Variants in SLC6A5 observed in about 807,000 individuals in gnomAD.
SLC6A5 encodes solute carrier family 6 member 5.
In SLC6A5, 58 loss-of-function variants were observed where a neutral mutation model predicts 90.5. The observed-to-expected ratio is 0.64, with a 90% CI of 0.52 to 0.80. SLC6A5 has a LOEUF of 0.80. SLC6A5 is among the 30% of genes least tolerant of loss of function. The pLI, the probability that SLC6A5 is intolerant of heterozygous loss-of-function variation, is 0.00. For synonymous variants in SLC6A5, 427 were observed against 401.4 expected (o/e 1.06, Z -0.76); for missense variants, 1,015 against 1,017.6 (o/e 1.00, Z 0.03).
chr11:20,650,762 G>A (rs947211006), intron 14 of SLC6A5, among the ~76,000 whole-genome samples: 1 of 145,056 alleles, frequency 6.9e-6, no homozygotes, highest in African/African-American at 2.5e-5. Context: ...CGCCTCCCGG[G>A]TTCACGCCAT....
At chr11:20,619,637 T>TC in intron 7 of SLC6A5, among the ~76,000 whole-genome samples, 1 of 151,796 alleles carries the variant, frequency 6.6e-6, no homozygotes, top group South Asian at 2.1e-4. Flanking sequence ...TGCTTTTTTT[T>TC]TGGCCAATAA....
chr11:20,611,742 G>T (rs1271544169), intron 5 of SLC6A5, among the ~76,000 whole-genome samples: 1 of 145,462 alleles, frequency 6.9e-6, no homozygotes, highest in African/African-American at 2.6e-5. Flanking sequence ...CTTACCCAGT[G>T]GTTTATTTGT....
At chr11:20,646,979 C>A (rs374593875) in intron 14 of SLC6A5, 45 bp downstream of exon 14, 9 of 1,223,108 alleles carry the variant, frequency 7.4e-6, no homozygotes, top group Admixed American at 1.7e-5. Context: ...ACCTTGCATA[C>A]GTATGTGGTG....
intron 10 of SLC6A5, 48 bp from the exon 11 acceptor site, chr11:20,636,259 C>A: frequency 8.6e-7 from 1 of 1,163,914 alleles, no homozygotes; most frequent in Non-Finnish European, 1.3e-6. Flanking sequence ...CTGGGAAGAG[C>A]AGCCTTGAGT....
At position 20,604,288 on chromosome 11, in the gene SLC6A5, G is replaced by C; in HGVS notation, c.543G>C (p.Glu181Asp). ...ACAATGTGCTTTTCCGCCCCCAGGAGGACGAGCAAGGGGATGAGAATAAGG... is the reference window on the plus strand; with the variant it reads ...ACAATGTGCTTTTCCGCCCCCAGGACGACGAGCAAGGGGATGAGAATAAGG... ...PGSVATVATQ[E>D]DEQGDENKAR... Residue 181 changes from glutamate (E) to aspartate (D), a missense_variant and splice_region_variant, in exon 3 of 16, where the codon GAG (glutamate) becomes GAC (aspartate). This residue lies in a region of SLC6A5 where 567 missense variants were observed against 507.3 expected (regional missense o/e 1.12). Transcript: ENST00000525748. The C allele has an allele frequency of 1.2e-6, 2 of 1,609,406 alleles. No individual in the cohort carries two copies. Among genetic ancestry groups the C allele is most frequent in the Non-Finnish European group, 1.7e-6 (2 of 1,176,544 alleles).
intron 6 of SLC6A5, among the ~76,000 whole-genome samples, chr11:20,616,628 T>A (rs1035704068): frequency 6.6e-6 from 1 of 152,228 alleles, no homozygotes; most frequent in African/African-American, 2.4e-5. Flanking sequence ...TTGGCAAATA[T>A]GGTCCTCAGG....
intron 8 of SLC6A5, 54 bp downstream of exon 8, chr11:20,626,896 G>C (rs1361236834): frequency 1.2e-5 from 19 of 1,530,514 alleles, no homozygotes; most frequent in Middle Eastern, 3.7e-4. Flanking sequence ...CCTCTGGGAG[G>C]CTTGGGCAAA....
In SLC6A5 at chr11:20,654,606, G is replaced by A. The variant is rs1306058372; in HGVS notation, c.2239-107G>A. 24 of 1,099,172 alleles carry A rather than the reference G, an allele frequency of 2.2e-5. No homozygotes were observed. In the East Asian group the frequency reaches 5.4e-4, roughly 25 times the overall value. 68.1% of individuals were successfully genotyped at this position (1,099,172 alleles called of 1,614,324 possible). A position where few individuals can be genotyped will look rare whatever the true frequency, so the allele number is the denominator to read the frequency against. On this transcript the variant is annotated intron_variant, in intron 15 of 15. Transcript: ENST00000525748. ...GTAGAGGGCCTCTTGGCTCAAGCAA[G>A]GACTCTGGTCAAAGTGGTCATAAGC...
In SLC6A5 at chr11:20,601,249, G is replaced by C. The variant is rs1233650550; in HGVS notation, c.124G>C (p.Ala42Pro). ...PRTSPEQELP[A>P]AAAPPPPRVP... ...GACGAGCCCGGAGCAGGAGCTTCCC[G>C]CGGCTGCCGCCCCGCCGCCGCCACG... Residue 42 changes from alanine (A) to proline (P), a missense_variant, in exon 2 of 16, where the codon GCG (alanine) becomes CCG (proline). Physicochemically the swap from Ala to Pro is conservative, Grantham distance 27 (BLOSUM62 -1). Around this residue, in one of 3 missense-constraint regions of SLC6A5, gnomAD observed 567 missense variants for 507.3 expected, o/e 1.12. Transcript: ENST00000525748. 3.2e-6 allele frequency: 5 copies of C among 1,583,030 alleles called. No individual in the cohort carries two copies. In the South Asian group the frequency reaches 3.4e-5, roughly 11 times the overall value.
In SLC6A5 at chr11:20,630,947, T is replaced by C. The variant is rs1404358983; in HGVS notation, c.1624+132T>C. 1.3e-5 allele frequency: 13 copies of C among 1,008,598 alleles called. No individual in the cohort carries two copies. The African/African-American group carries it at 1.9e-4, about 15-fold the overall frequency. The allele number at this position is 1,008,598 out of a possible 1,614,324, so 62.5% of individuals were successfully genotyped here. ...GGGTGGAGGAGCCCAGGTCCTTCTT[T>C]ACAGAGGGACCAAGGCAGGCTCAAG... On this transcript the variant is annotated intron_variant, in intron 10 of 15. Coordinates refer to ENST00000525748, the MANE Select transcript of SLC6A5 (RefSeq NM_004211.5).
At chr11:20,613,209 A>G (rs1565275258) in intron 5 of SLC6A5, among the ~76,000 whole-genome samples, 2 of 152,202 alleles carry the variant, frequency 1.3e-5, no homozygotes, top group East Asian at 1.9e-4. Context: ...TAACATAGAG[A>G]TAATAACAGT....
chr11:20,601,268 C>T lies in SLC6A5; in HGVS notation c.143C>T (p.Pro48Leu), dbSNP rs1852468085. The change falls in exon 2 of 16, where the codon CCG becomes CTG. Residue 48 changes from proline to leucine, a missense_variant. By Grantham distance (98) the Pro-to-Leu change is moderately conservative. Around this residue, in one of 3 missense-constraint regions of SLC6A5, gnomAD observed 567 missense variants for 507.3 expected, o/e 1.12. Coordinates refer to ENST00000525748, the MANE Select transcript of SLC6A5 (RefSeq NM_004211.5). ...CTTCCCGCGGCTGCCGCCCCGCCGC[C>T]GCCACGTGTGCCCAGGTCCGCTTCC... ...QELPAAAAPP[P>L]PRVPRSASTG... 1 of 1,585,932 alleles carries T rather than the reference C, an allele frequency of 6.3e-7. No individual in the cohort carries two copies. The highest frequency in any genetic ancestry group is 8.5e-7 in the Non-Finnish European group (1 of 1,173,064).
intron 13 of SLC6A5, among the ~76,000 whole-genome samples, chr11:20,639,160 G>A (rs967288298): frequency 4.6e-5 from 7 of 152,164 alleles, no homozygotes; most frequent in Non-Finnish European, 1.0e-4. Context: ...GAAATGGTGA[G>A]CTATCAGATG....
chr11:20,612,506 C>G (rs964874393), intron 5 of SLC6A5, among the ~76,000 whole-genome samples: 4 of 152,112 alleles, frequency 2.6e-5, no homozygotes, highest in African/African-American at 7.2e-5. Context: ...CCAGATCAAG[C>G]CTGCTTCTTA....
chr11:20,618,348 G>T (rs964620767), intron 7 of SLC6A5, among the ~76,000 whole-genome samples: 1 of 152,158 alleles, frequency 6.6e-6, no homozygotes, highest in African/African-American at 2.4e-5. Flanking sequence ...CTCACTCCCG[G>T]CCACCATGTT....
At chr11:20,623,110 C>T (rs577563203) in intron 7 of SLC6A5, among the ~76,000 whole-genome samples, 3 of 152,194 alleles carry the variant, frequency 2.0e-5, no homozygotes, top group Non-Finnish European at 2.9e-5. Context: ...ATTCCTAGCA[C>T]TGCAAGTTCT....
rs369301498 is a variant in SLC6A5 at position 20,629,990 on chromosome 11, C to T, written c.1500-701C>T. ...CACCTGCCTTGGCCTCCCAAAGTGC[C>T]GGGATTACAGGTATGAGCCACCGTG... On this transcript the variant is annotated intron_variant, in intron 9 of 15. Coordinates refer to ENST00000525748, the MANE Select transcript of SLC6A5 (RefSeq NM_004211.5). Among the ~76,000 whole-genome samples, 49 of 152,048 alleles carry T rather than the reference C, an allele frequency of 3.2e-4. No individual in the cohort carries two copies. In the South Asian group the frequency reaches 3.5e-3, roughly 11 times the overall value.
chr11:20,621,924 C>T (rs993018010), intron 7 of SLC6A5, among the ~76,000 whole-genome samples: 1 of 152,228 alleles, frequency 6.6e-6, no homozygotes, highest in Non-Finnish European at 1.5e-5. Flanking sequence ...ATGCAGCCCA[C>T]CTGCCCTCAG....
intron 15 of SLC6A5, 101 bp downstream of exon 15, chr11:20,652,557 G>A (rs1469247315): frequency 8.5e-7 from 1 of 1,183,256 alleles, no homozygotes; most frequent in Non-Finnish European, 1.3e-6. Flanking sequence ...TTATTCAAGA[G>A]GGAGACTTGG....
Sources: gnomAD v4.1 joint callset for allele counts (sites outside exome capture counted in the v4.1 genomes callset) on GRCh38, gnomAD v4.1.1 for gene constraint, gnomAD v4.1.1 regional missense constraint, MANE v1.5 for transcripts, NCBI Gene and HGNC (gene_info 2026-07-23, HGNC 2026-07-21) for gene names.